The following ZMYND11 variants were observed in gnomAD, a reference collection of about 807,000 sequenced individuals.
ZMYND11 encodes zinc finger MYND-type containing 11.
A neutral mutation model predicts 84.9 loss-of-function variants in ZMYND11; 9 were observed. That is an observed-to-expected ratio of 0.11 (90% CI 0.06 to 0.18). ZMYND11 has a LOEUF of 0.18. ZMYND11 is among the 10% of genes least tolerant of loss of function. ZMYND11 has a pLI of 1.00. For missense variants in ZMYND11, 409 were observed against 761.0 expected (o/e 0.54, Z 5.44); for synonymous variants, 250 against 244.1 (o/e 1.02, Z -0.23).
At chr10:182,634 G>T (rs1287100440) in intron 2 of ZMYND11, among the ~76,000 whole-genome samples, 2 of 152,178 alleles carry the variant, frequency 1.3e-5, no homozygotes, top group African/African-American at 4.8e-5. Context: ...AGAGCATCCT[G>T]TACTTCCTTC....
intron 1 of ZMYND11, among the ~76,000 whole-genome samples, chr10:148,930 A>C (rs1027777351): frequency 2.0e-5 from 3 of 152,234 alleles, no homozygotes; most frequent in African/African-American, 7.2e-5. Flanking sequence ...TAATTTTGTC[A>C]GTTTTAAATT....
chr10:189,028 G>A (rs919651645), intron 2 of ZMYND11, among the ~76,000 whole-genome samples: 1 of 152,206 alleles, frequency 6.6e-6, no homozygotes, highest in Non-Finnish European at 1.5e-5. Context: ...ACTAGCATTG[G>A]ATTGGTAGAC....
At chr10:213,610 T>C (rs1013540082) in intron 3 of ZMYND11, among the ~76,000 whole-genome samples, 6 of 152,196 alleles carry the variant, frequency 3.9e-5, no homozygotes, top group South Asian at 2.1e-4. Context: ...TCTTTTTTTT[T>C]CCTTCTGTTA....
intron 1 of ZMYND11, among the ~76,000 whole-genome samples, chr10:168,181 G>A (rs1484865878): frequency 1.3e-5 from 2 of 152,100 alleles, no homozygotes; most frequent in East Asian, 3.9e-4. Context: ...TAATTGTATA[G>A]GAATCAATGA....
chr10:234,805 C>G (rs1352848905), intron 4 of ZMYND11, among the ~76,000 whole-genome samples: 1 of 152,204 alleles, frequency 6.6e-6, no homozygotes, highest in East Asian at 1.9e-4. Flanking sequence ...AAACTGCTTA[C>G]TTAGTACAGA....
chr10:207,149 C>G (rs557504788), intron 2 of ZMYND11, among the ~76,000 whole-genome samples: 1 of 152,114 alleles, frequency 6.6e-6, no homozygotes, highest in Non-Finnish European at 1.5e-5. Context: ...TCATCCATGT[C>G]CCTACAAAGG....
chr10:158,673 G>A (rs933276551), intron 1 of ZMYND11, among the ~76,000 whole-genome samples: 4 of 149,642 alleles, frequency 2.7e-5, no homozygotes, highest in African/African-American at 4.9e-5. Context: ...TGCCTTCTTC[G>A]GCCTCCTAAA....
At chr10:134,242 A>T (rs1835428003), upstream of ZMYND11, among the ~76,000 whole-genome samples, 1 of 152,234 alleles carries the variant, frequency 6.6e-6, no homozygotes, top group Admixed American at 6.5e-5. Context: ...AAAAGTTATG[A>T]GAATGCGGTC....
chr10:172,400 C>T (rs989453021), intron 1 of ZMYND11, among the ~76,000 whole-genome samples: 4 of 152,102 alleles, frequency 2.6e-5, no homozygotes, highest in Non-Finnish European at 5.9e-5. Flanking sequence ...GTGGTTGTAG[C>T]CAAGTTGCAG....
intron 1 of ZMYND11, among the ~76,000 whole-genome samples, chr10:161,555 A>G (rs1211816031): frequency 1.3e-5 from 2 of 152,200 alleles, no homozygotes; most frequent in Non-Finnish European, 2.9e-5. Flanking sequence ...TTCTTCCAAT[A>G]TGAGACTATT....
intron 1 of ZMYND11, among the ~76,000 whole-genome samples, chr10:140,277 A>G (rs1333188925): frequency 6.6e-6 from 1 of 152,242 alleles, no homozygotes; most frequent in Non-Finnish European, 1.5e-5. Flanking sequence ...ACCCAATACA[A>G]TAGTCCTTTT....
intron 2 of ZMYND11, among the ~76,000 whole-genome samples, chr10:187,618 A>C (rs1157915274): frequency 7.5e-6 from 1 of 133,932 alleles, no homozygotes; most frequent in Non-Finnish European, 1.6e-5. Context: ...TGGGCTAAAC[A>C]GCGGGACTCC....
At chr10:222,172 TATA>T (rs1321803989) in intron 4 of ZMYND11, among the ~76,000 whole-genome samples, 1 of 152,254 alleles carries the variant, frequency 6.6e-6, no homozygotes, top group African/African-American at 2.4e-5. Context: ...TAATATGCTT[TATA>T]ATAACTTGCG....
chr10:230,472 CAAAAAAAA>C (rs59145964), intron 4 of ZMYND11, among the ~76,000 whole-genome samples: 8 of 52,752 alleles, frequency 1.5e-4, no homozygotes, highest in East Asian at 6.8e-4. Context: ...GACTCAGTCT[CAAAAAAAA>C]AAAAAAAAAA....
chr10:140,737 T>A (rs1040494087), intron 1 of ZMYND11, among the ~76,000 whole-genome samples: 2 of 152,206 alleles, frequency 1.3e-5, no homozygotes, highest in Middle Eastern at 3.2e-3. Flanking sequence ...TAAAATGTGT[T>A]CAATCAGATA....
chr10:206,185 C>A (rs1944131231), intron 2 of ZMYND11, among the ~76,000 whole-genome samples: 1 of 152,060 alleles, frequency 6.6e-6, no homozygotes, highest in Admixed American at 6.6e-5. Flanking sequence ...CATGGTGAAA[C>A]CCCATCTCTA....
At chr10:221,394 T>C (rs771905855) in intron 4 of ZMYND11, 38 bp downstream of exon 4, 1 of 1,592,658 alleles carries the variant, frequency 6.3e-7, no homozygotes, top group South Asian at 1.1e-5. Context: ...GGTTAGAGGG[T>C]TGGAATTAAT....
intron 4 of ZMYND11, among the ~76,000 whole-genome samples, chr10:230,687 A>G (rs1442760305): frequency 6.6e-6 from 1 of 152,346 alleles, no homozygotes; most frequent in African/African-American, 2.4e-5. Context: ...AATGGTTCAC[A>G]CATCAGAAAT....
intron 1 of ZMYND11, 154 bp from the exon 2 acceptor site, chr10:179,840 T>C (rs1847457068): frequency 2.1e-6 from 1 of 470,564 alleles, no homozygotes; most frequent in Non-Finnish European, 3.8e-6. Flanking sequence ...ATGAAGTAAC[T>C]GGTGATGTGG....
Sources: gnomAD v4.1 joint callset for allele counts (sites outside exome capture counted in the v4.1 genomes callset) on GRCh38, gnomAD v4.1.1 for gene constraint, MANE v1.5 for transcripts, NCBI Gene and HGNC (gene_info 2026-07-23, HGNC 2026-07-21) for gene names.